CDH19: variants seen among roughly 807,000 people sequenced by gnomAD.
CDH19 encodes the protein cadherin 19, also known as cadherin-19.
CDH19 carries 67 observed loss-of-function variants against 64.2 expected under a neutral mutation model. The observed-to-expected ratio is 1.04, with a 90% CI of 0.86 to 1.28. CDH19 has a LOEUF of 1.28. Ranked by LOEUF, CDH19 falls within the 50% of genes most tolerant of loss-of-function variation. The probability of loss-of-function intolerance (pLI) is 0.00; values close to 1 mark genes in which losing one functional copy is unlikely to be tolerated. For missense variants in CDH19, 1,030 were observed against 929.0 expected (o/e 1.11, Z -1.41); for synonymous variants, 346 against 319.3 (o/e 1.08, Z -0.89).
intron 9 of CDH19, among the ~76,000 whole-genome samples, chr18:66,524,897 A>G (rs1392757767): frequency 1.3e-5 from 2 of 152,028 alleles, no homozygotes; most frequent in Admixed American, 6.5e-5. Context: ...CTTTCTCTTT[A>G]CTATCATTTT....
At chr18:66,596,915 T>A (rs918975347) in intron 1 of CDH19, among the ~76,000 whole-genome samples, 103 of 149,338 alleles carry the variant, frequency 6.9e-4, no homozygotes, top group Middle Eastern at 6.9e-3. Flanking sequence ...ACCCCGTCTC[T>A]ACTAAAAATA....
intron 10 of CDH19, among the ~76,000 whole-genome samples, chr18:66,510,243 T>A (rs1281402224): frequency 6.6e-6 from 1 of 151,676 alleles, no homozygotes; most frequent in African/African-American, 2.4e-5. Context: ...ATGAAACCCT[T>A]AAGGTCTATA....
rs113618318 is a variant in CDH19, at chr18:66,575,755, C to T, written c.-112-3439G>A. On this transcript the variant is annotated intron_variant, in intron 1 of 11. Coordinates refer to ENST00000262150, the MANE Select transcript of CDH19 (RefSeq NM_021153.4). The stretch of plus-strand genomic sequence containing the variant: ...AATAATACTAGAAGGAAATCTGGAT[C>T]TATGCAAAAATAGAATCACCAGAAA... Among the ~76,000 whole-genome samples the T allele has an allele frequency of 7.9e-3, 1,204 of 151,740 alleles. 26 individuals carry two copies. The highest frequency in any genetic ancestry group is 0.028 in the African/African-American group (1,142 of 41,472).
At chr18:66,570,485 T>A (rs943958445) in intron 2 of CDH19, among the ~76,000 whole-genome samples, 1 of 151,724 alleles carries the variant, frequency 6.6e-6, no homozygotes, top group Non-Finnish European at 1.5e-5. Context: ...TAAACAAATA[T>A]CACTTCAAAT....
intron 2 of CDH19, among the ~76,000 whole-genome samples, chr18:66,569,969 T>C (rs1988049987): frequency 6.6e-6 from 1 of 151,708 alleles, no homozygotes; most frequent in African/African-American, 2.4e-5. Flanking sequence ...TTTTGCATTT[T>C]AATAACATGC....
At chr18:66,544,972 T>G in intron 5 of CDH19, 69 bp from the exon 6 acceptor site, 1 of 1,060,720 alleles carries the variant, frequency 9.4e-7, no homozygotes, top group South Asian at 2.0e-5. Flanking sequence ...TATAGTTTTT[T>G]GTTTGTTTGT....
intron 3 of CDH19, among the ~76,000 whole-genome samples, chr18:66,566,807 G>A (rs553389683): frequency 6.6e-6 from 1 of 151,942 alleles, no homozygotes; most frequent in East Asian, 1.9e-4. Flanking sequence ...TTGCTTAACA[G>A]TCAAGTCAGC....
rs754168660 is a variant in CDH19 at position 66,554,537 on chromosome 18, T to C, written c.491-13A>G. The stretch of plus-strand genomic sequence containing the variant: ...ATAACTAATGTTCCTAAAGAGAACA[T>C]AATACAGGAAATTAAGATTGTGGTT... On this transcript the variant is annotated splice_polypyrimidine_tract_variant and intron_variant, in intron 3 of 11. Coordinates refer to ENST00000262150, the MANE Select transcript of CDH19 (RefSeq NM_021153.4). 3.7e-6 allele frequency: 6 copies of C among 1,604,556 alleles called. No homozygotes were observed. Among genetic ancestry groups the C allele is most frequent in the South Asian group, 1.1e-5 (1 of 90,074 alleles).
chr18:66,562,613 G>C (rs1332619383), intron 3 of CDH19, among the ~76,000 whole-genome samples: 1 of 152,022 alleles, frequency 6.6e-6, no homozygotes, highest in African/African-American at 2.4e-5. Context: ...AGGTGACACA[G>C]GATGTACACT....
Position 66,524,818 on chromosome 18 carries a change from C to T in CDH19, c.1458+5027G>A, listed in dbSNP as rs972980180. On this transcript the variant is annotated intron_variant, in intron 9 of 11. Transcript: ENST00000262150. The stretch of plus-strand genomic sequence containing the variant: ...TGTGTGTCCTTCATGTTTTATTCTG[C>T]CCCAATTTTATTTTTAGCAATTCCC... 2.6e-5 allele frequency among the ~76,000 whole-genome samples: 4 copies of T among 151,914 alleles called. No individual in the cohort carries two copies. The South Asian group carries it at 8.3e-4, about 32-fold the overall frequency.
At chr18:66,529,464 T>G (rs1195016724) in intron 9 of CDH19, among the ~76,000 whole-genome samples, 1 of 151,120 alleles carries the variant, frequency 6.6e-6, no homozygotes, top group African/African-American at 2.4e-5. Context: ...TAGCAAATTT[T>G]TAAAAACATT....
intron 1 of CDH19, among the ~76,000 whole-genome samples, chr18:66,585,256 A>AT (rs757401879): frequency 1.3e-5 from 2 of 152,124 alleles, no homozygotes; most frequent in Non-Finnish European, 2.9e-5. Context: ...AATTGATTTT[A>AT]TATAAATAAA....
rs145183549 is a variant in CDH19 at position 66,568,693 on chromosome 18, G to A, written c.213C>T (p.Asp71=). The change falls in exon 3 of 12, where the codon GAC becomes GAT. Residue 71 remains aspartate (D), a synonymous_variant. Transcript: ENST00000262150. ...HHIGQLRSDL[D]NGNNSFQYKL... is the part of the protein sequence containing the mutation. ...TGTACTGGAAAGAATTGTTTCCATT[G>A]TCTAAATCAGATCTTAGCTGCAAAT... 2.5e-6 allele frequency: 4 copies of A among 1,605,058 alleles called. No homozygotes were observed. Among genetic ancestry groups the A allele is most frequent in the Admixed American group, 1.7e-5 (1 of 59,224 alleles).
In CDH19 at chr18:66,509,052, T is replaced by C. The variant is rs1039297084; in HGVS notation, c.1771A>G (p.Met591Val). 5 of 1,612,876 alleles carry C rather than the reference T, an allele frequency of 3.1e-6. No homozygotes were observed. The African/African-American group carries it at 4.0e-5, about 13-fold the overall frequency. Reference sequence around the variant, plus strand: ...ATGATGACTTCTGTCTTGAATCCCATGGAAAGCACAAGCTCCTGGTACTGG... The same window carrying C: ...ATGATGACTTCTGTCTTGAATCCCACGGAAAGCACAAGCTCCTGGTACTGG... ...TCQYQELVLSMGFKTEVIIAI... is the reference protein window; with the variant it reads ...TCQYQELVLSVGFKTEVIIAI... Residue 591 changes from methionine to valine, a missense_variant, in exon 11 of 12, where the codon ATG (methionine) becomes GTG (valine). Met to Val is a conservative substitution (Grantham distance 21). Transcript: ENST00000262150.
In CDH19 at chr18:66,572,113, A is replaced by C. The variant is rs1405546201; in HGVS notation, c.92T>G (p.Val31Gly). Residue 31 changes from valine (V) to glycine (G), a missense_variant, in exon 2 of 12, where the codon GTC (valine) becomes GGC (glycine). Coordinates refer to ENST00000262150, the MANE Select transcript of CDH19 (RefSeq NM_021153.4). ...CAAATGAGATCGCACTGGCTGCTTGACTTTCTTTGTTTGAGAGTTTTCTGT... is the reference window on the plus strand; with the variant it reads ...CAAATGAGATCGCACTGGCTGCTTGCCTTTCTTTGTTTGAGAGTTTTCTGT... ...GATENSQTKK[V>G]KQPVRSHLRV... 2 of 1,611,526 alleles carry C rather than the reference A, an allele frequency of 1.2e-6. No homozygotes were observed. Among genetic ancestry groups the C allele is most frequent in the Non-Finnish European group, 1.7e-6 (2 of 1,178,492 alleles).
intron 9 of CDH19, 56 bp downstream of exon 9, chr18:66,529,789 A>C: frequency 9.3e-7 from 1 of 1,077,754 alleles, no homozygotes; most frequent in Non-Finnish European, 1.3e-6. Context: ...AAGAAATTTC[A>C]TATTATGAAA....
chr18:66,588,983 T>A (rs950239497), intron 1 of CDH19, among the ~76,000 whole-genome samples: 1 of 151,586 alleles, frequency 6.6e-6, no homozygotes, highest in African/African-American at 2.4e-5. Flanking sequence ...AGAAAAAATT[T>A]AAAAAGTAAA....
chr18:66,530,061 T>C, intron 8 of CDH19, 95 bp from the exon 9 acceptor site: 1 of 538,264 alleles, frequency 1.9e-6, no homozygotes, highest in Non-Finnish European at 2.9e-6. Context: ...ACGTGGTGTA[T>C]TTTTATTTTA....
intron 8 of CDH19, among the ~76,000 whole-genome samples, chr18:66,534,519 A>C (rs1986581929): frequency 6.6e-6 from 1 of 152,038 alleles, no homozygotes; most frequent in East Asian, 1.9e-4. Flanking sequence ...AATACTTTAC[A>C]ATTCTAAATC....
Sources: allele counts gnomAD v4.1 joint callset (sites outside exome capture counted in the v4.1 genomes callset), GRCh38; gene constraint gnomAD v4.1.1; transcripts MANE v1.5; gene names NCBI Gene and HGNC (gene_info 2026-07-23, HGNC 2026-07-21).